PCDH15: variants seen among roughly 807,000 people sequenced by gnomAD.
PCDH15 encodes protocadherin-15.
PCDH15 carries 129 observed loss-of-function variants against 178.5 expected under a neutral mutation model. The observed-to-expected ratio is 0.72, with a 90% CI of 0.63 to 0.84. The LOEUF is 0.84. PCDH15 is among the 40% of genes least tolerant of loss of function. The pLI, the probability that PCDH15 is intolerant of heterozygous loss-of-function variation, is 0.00. For synonymous variants in PCDH15, 800 were observed against 732.0 expected (o/e 1.09, Z -1.50); for missense variants, 2,230 against 2,099.9 (o/e 1.06, Z -1.21).
intron 2 of PCDH15, among the ~76,000 whole-genome samples, chr10:55,521,196 C>T (rs181827830): frequency 1.7e-3 from 251 of 151,994 alleles, no homozygotes; most frequent in African/African-American, 5.8e-3. Context: ...TACCTGGCTT[C>T]GTTCACTTAG....
chr10:54,163,928 T>C (rs148314982), intron 13 of PCDH15, among the ~76,000 whole-genome samples: 9 of 152,280 alleles, frequency 5.9e-5, no homozygotes, highest in Non-Finnish European at 8.8e-5. Context: ...TACCAAGATG[T>C]CATTTGTAAG....
intron 3 of PCDH15, among the ~76,000 whole-genome samples, chr10:54,416,289 C>A (rs1040506110): frequency 1.3e-5 from 2 of 152,032 alleles, no homozygotes; most frequent in Non-Finnish European, 2.9e-5. Context: ...CCCCACCCCC[C>A]AAAAGGCCCT....
chr10:54,931,868 T>C (rs145543255), intron 2 of PCDH15, among the ~76,000 whole-genome samples: 131 of 152,262 alleles, frequency 8.6e-4, no homozygotes, highest in Middle Eastern at 3.4e-3. Flanking sequence ...TAGTGCATTG[T>C]TCAGAATCAT....
chr10:54,820,534 T>A (rs1432272336), intron 3 of PCDH15, among the ~76,000 whole-genome samples: 1 of 152,092 alleles, frequency 6.6e-6, no homozygotes, highest in Non-Finnish European at 1.5e-5. Context: ...AATAAATAAA[T>A]TTTAAATTCT....
chr10:55,606,992 T>A (rs1843235487), intron 2 of PCDH15, among the ~76,000 whole-genome samples: 1 of 151,602 alleles, frequency 6.6e-6, no homozygotes, highest in Admixed American at 6.6e-5. Context: ...TTTCACAACC[T>A]ACTCATCTGA....
At chr10:54,973,255 C>A (rs1190174565) in intron 2 of PCDH15, among the ~76,000 whole-genome samples, 2 of 152,044 alleles carry the variant, frequency 1.3e-5, no homozygotes, top group Non-Finnish European at 2.9e-5. Context: ...AGGCTGTGTG[C>A]AGATCAAGTG....
chr10:54,746,761 T>C (rs1233488891), intron 1 of PCDH15, among the ~76,000 whole-genome samples: 1 of 152,132 alleles, frequency 6.6e-6, no homozygotes, highest in Non-Finnish European at 1.5e-5. Context: ...TATTCACAAC[T>C]ATGGTTTATT....
rs149976852 is a variant in PCDH15, at chr10:55,235,794, C to A, written c.-155-69143G>T. Among the ~76,000 whole-genome samples the A allele has an allele frequency of 1.9e-3, 289 of 151,044 alleles. 2 individuals carry two copies. Among genetic ancestry groups the A allele is most frequent in the African/African-American group, 6.6e-3 (272 of 41,050 alleles). ...CGGTGGCATGTACCTGTAGTCCCAG[C>A]TACTTGGGAGGCTGAGGCAGGAGAA... On this transcript the variant is annotated intron_variant, in intron 1 of 5. Coordinates refer to the PCDH15 transcript ENST00000458638.
At chr10:55,576,021 A>G (rs752643430) in intron 2 of PCDH15, among the ~76,000 whole-genome samples, 6 of 152,094 alleles carry the variant, frequency 3.9e-5, no homozygotes, top group Non-Finnish European at 8.8e-5. Context: ...ACCTCACTGA[A>G]TACTCTTAGT....
chr10:54,189,732 T>A (rs1033969404), intron 11 of PCDH15, among the ~76,000 whole-genome samples: 7 of 152,106 alleles, frequency 4.6e-5, no homozygotes, highest in Admixed American at 1.3e-4. Flanking sequence ...TTTTTTATGA[T>A]CAGCATTCAA....
intron 13 of PCDH15, among the ~76,000 whole-genome samples, chr10:54,154,856 G>A (rs1328978538): frequency 6.6e-6 from 1 of 152,106 alleles, no homozygotes; most frequent in Non-Finnish European, 1.5e-5. Context: ...GTATAAGCCT[G>A]ACAGACATAT....
At chr10:55,235,713 C>T (rs998580556) in intron 1 of PCDH15, among the ~76,000 whole-genome samples, 5 of 151,880 alleles carry the variant, frequency 3.3e-5, no homozygotes, top group African/African-American at 9.7e-5. Flanking sequence ...TCCAGACCAG[C>T]CTGACCTATA....
At chr10:55,395,307 C>A (rs1837901428) in intron 2 of PCDH15, among the ~76,000 whole-genome samples, 1 of 151,628 alleles carries the variant, frequency 6.6e-6, no homozygotes, top group Admixed American at 6.6e-5. Flanking sequence ...TGTTTTCAGT[C>A]TTAATTGTTT....
intron 2 of PCDH15, among the ~76,000 whole-genome samples, chr10:55,389,096 G>A (rs1467497839): frequency 6.6e-6 from 1 of 152,014 alleles, no homozygotes; most frequent in Non-Finnish European, 1.5e-5. Flanking sequence ...TAATGTGTAG[G>A]GTAAATGAAC....
At chr10:55,100,019 A>C (rs1450868789) in intron 2 of PCDH15, among the ~76,000 whole-genome samples, 1 of 152,180 alleles carries the variant, frequency 6.6e-6, no homozygotes, top group Non-Finnish European at 1.5e-5. Context: ...CAAGAGGTAA[A>C]GAACACATTC....
chr10:53,899,644 T>C (rs907840266), intron 26 of PCDH15, among the ~76,000 whole-genome samples: 6 of 152,168 alleles, frequency 3.9e-5, no homozygotes, highest in Non-Finnish European at 7.3e-5. Flanking sequence ...TGTATAGCAA[T>C]TGGTAGAAAC....
rs1262979207 is a variant in PCDH15 at position 55,463,944 on chromosome 10, AG to A, written c.-156+163680del. ...AAGAAAGAAAGAAAGAAAGAAAGAA[AG>A]AAAGAAAGAAAGAAAGAAAGAAAGA... On this transcript the variant is annotated intron_variant, in intron 2 of 5. Transcript: ENST00000613346. Among the ~76,000 whole-genome samples, 6 of 27,464 alleles carry A rather than the reference AG, an allele frequency of 2.2e-4. 1 individual carries two copies. Among genetic ancestry groups the A allele is most frequent in the Admixed American group, 3.8e-4 (1 of 2,612 alleles). 18.0% of individuals were successfully genotyped at this position (27,464 alleles called of 152,430 possible).
chr10:55,151,417 T>TA (rs1838709038), intron 2 of PCDH15, among the ~76,000 whole-genome samples: 2 of 152,062 alleles, frequency 1.3e-5, no homozygotes, highest in Non-Finnish European at 2.9e-5. Context: ...ATGAAAGTTT[T>TA]AAAAATTGAG....
intron 23 of PCDH15, among the ~76,000 whole-genome samples, chr10:53,950,757 G>A (rs1422698693): frequency 1.3e-5 from 2 of 152,248 alleles, no homozygotes; most frequent in Non-Finnish European, 1.5e-5. Flanking sequence ...AGTAGTATGT[G>A]TTTGAACTAC....
Sources: allele counts gnomAD v4.1 joint callset (sites outside exome capture counted in the v4.1 genomes callset), GRCh38; gene constraint gnomAD v4.1.1; transcripts MANE v1.5; gene names NCBI Gene and HGNC (gene_info 2026-07-23, HGNC 2026-07-21).